Variants in CHD6 observed in about 807,000 individuals in gnomAD.
CHD6 encodes the protein ATP-dependent chromatin remodeler CHD6.
A neutral mutation model predicts 276.9 loss-of-function variants in CHD6; 50 were observed. The observed-to-expected ratio is 0.18, with a 90% CI of 0.14 to 0.23. CHD6 has a LOEUF of 0.23. CHD6 is among the 10% of genes least tolerant of loss of function. CHD6 has a pLI of 1.00. For synonymous variants in CHD6, 1,173 were observed against 1,229.3 expected (o/e 0.95, Z 0.96); for missense variants, 2,564 against 3,365.8 (o/e 0.76, Z 5.89).
At chr20:41,577,093 A>G (rs1357983474) in intron 1 of CHD6, among the ~76,000 whole-genome samples, 1 of 152,244 alleles carries the variant, frequency 6.6e-6, no homozygotes, top group Non-Finnish European at 1.5e-5. Flanking sequence ...GTTAAAATAT[A>G]AGATACATTA....
At chr20:41,466,845 C>T (rs2042932175) in intron 17 of CHD6, among the ~76,000 whole-genome samples, 1 of 152,214 alleles carries the variant, frequency 6.6e-6, no homozygotes, top group South Asian at 2.1e-4. Flanking sequence ...TACTCCCAGC[C>T]TCCCAGGGAT....
chr20:41,541,013 A>T (rs1265435297), intron 2 of CHD6, among the ~76,000 whole-genome samples: 1 of 150,742 alleles, frequency 6.6e-6, no homozygotes, highest in African/African-American at 2.4e-5. Flanking sequence ...GCATTTGACT[A>T]CAGAACATAC....
chr20:41,592,552 CATTT>C (rs1340275444), intron 1 of CHD6, among the ~76,000 whole-genome samples: 3 of 152,186 alleles, frequency 2.0e-5, no homozygotes, highest in Non-Finnish European at 4.4e-5. Flanking sequence ...AGTAGTACTT[CATTT>C]AAAGACAACG....
chr20:41,609,766 A>C (rs2045865946), intron 1 of CHD6, among the ~76,000 whole-genome samples: 1 of 151,966 alleles, frequency 6.6e-6, no homozygotes, highest in Non-Finnish European at 1.5e-5. Flanking sequence ...AAACTGCTGT[A>C]TGATTAGACT....
rs1404346130 is a variant in CHD6 at position 41,431,777 on chromosome 20, T to C, written c.4068+5497A>G. Among the ~76,000 whole-genome samples, 2 of 107,844 alleles carry C rather than the reference T, an allele frequency of 1.9e-5. 1 individual carries two copies. Among genetic ancestry groups the C allele is most frequent in the Non-Finnish European group, 3.8e-5 (2 of 53,292 alleles). The allele number at this position is 107,844 out of a possible 152,430, so 70.7% of individuals were successfully genotyped here. A position where few individuals can be genotyped will look rare whatever the true frequency, so the allele number is the denominator to read the frequency against. ...GGAATGACATGATGAAAAAACATGC[T>C]TTTTTTTTTTTTTTGCTTCATATAT... On this transcript the variant is annotated intron_variant, in intron 27 of 36. Coordinates refer to ENST00000373233, the MANE Select transcript of CHD6 (RefSeq NM_032221.5).
At chr20:41,597,617 C>T (rs1002334061) in intron 1 of CHD6, among the ~76,000 whole-genome samples, 8 of 152,106 alleles carry the variant, frequency 5.3e-5, no homozygotes, top group Non-Finnish European at 1.2e-4. Flanking sequence ...GGTTGACCCA[C>T]CATACCCGGG....
intron 16 of CHD6, among the ~76,000 whole-genome samples, chr20:41,480,410 A>G (rs2043268585): frequency 6.6e-6 from 1 of 152,244 alleles, no homozygotes; most frequent in East Asian, 1.9e-4. Context: ...AATCAAAAAG[A>G]TAATTTTTAG....
chr20:41,533,060 T>G lies in CHD6; in HGVS notation c.544A>C (p.Arg182=). The G allele has an allele frequency of 6.3e-7, 1 of 1,593,432 alleles. No individual in the cohort carries two copies. The highest frequency in any genetic ancestry group is 2.2e-5 in the East Asian group (1 of 44,824). Residue 182 remains arginine, a synonymous_variant, in exon 3 of 37, where the codon AGG becomes CGG. Coordinates refer to ENST00000373233, the MANE Select transcript of CHD6 (RefSeq NM_032221.5). The part of the protein sequence containing the change: ...CTDSAARTKS[R]KASKEQGPTP... ...GAGAAAGGAACGTACCTGGCCTTCC[T>G]GGACTTCGTCCTGGCTGCAGAGTCA...
chr20:41,555,826 C>T lies in CHD6; in HGVS notation c.-23-4466G>A, dbSNP rs1224507445. ...CAGACGATGGGCGGCCAGGCAGAGA[C>T]GCTCCTCACTTCCCAGACGGGGTGG... On this transcript the variant is annotated intron_variant, in intron 1 of 36. Transcript: ENST00000373233. Among the ~76,000 whole-genome samples, 6 of 151,932 alleles carry T rather than the reference C, an allele frequency of 3.9e-5. No individual in the cohort carries two copies. The South Asian group carries it at 8.3e-4, about 21-fold the overall frequency.
At chr20:41,491,094 T>C (rs1172960124) in intron 11 of CHD6, among the ~76,000 whole-genome samples, 2 of 152,096 alleles carry the variant, frequency 1.3e-5, no homozygotes, top group African/African-American at 2.4e-5. Context: ...CACACCACTG[T>C]AGACATTATA....
In CHD6 at chr20:41,420,762, T is replaced by C. The variant is rs368946838; in HGVS notation, c.5873A>G (p.Glu1958Gly). 2 of 1,614,146 alleles carry C rather than the reference T, an allele frequency of 1.2e-6. No homozygotes were observed. The highest frequency in any genetic ancestry group is 2.7e-5 in the African/African-American group (2 of 74,946). The change falls in exon 31 of 37, where the codon GAG (glutamate) becomes GGG (glycine). Residue 1958 changes from glutamate to glycine, a missense_variant. By Grantham distance (98) the Glu-to-Gly change is moderately conservative. This residue lies in a region of CHD6 where 1,024 missense variants were observed against 1,047.9 expected (regional missense o/e 0.98). Transcript: ENST00000373233. ...ATCTGGGATATAAGCCTTGGGTTTC[T>C]CGATTTCAAATTCATCATTCTCGAG... ...HGLENDEFEIEKPKAYIPDLF... is the reference protein window; with the variant it reads ...HGLENDEFEIGKPKAYIPDLF...
intron 1 of CHD6, among the ~76,000 whole-genome samples, chr20:41,614,084 TTAAC>T (rs1307793616): frequency 6.6e-6 from 1 of 152,060 alleles, no homozygotes; most frequent in Admixed American, 6.6e-5. Context: ...TATTAAAAAT[TTAAC>T]TACTTGATAA....
At chr20:41,580,310 C>T (rs1156671805) in intron 1 of CHD6, among the ~76,000 whole-genome samples, 1 of 152,000 alleles carries the variant, frequency 6.6e-6, no homozygotes, top group Admixed American at 6.6e-5. Flanking sequence ...AATATTTTCC[C>T]AACAGCTGTC....
chr20:41,453,532 CCTCA>C (rs1206008907), intron 20 of CHD6, among the ~76,000 whole-genome samples: 1 of 152,162 alleles, frequency 6.6e-6, no homozygotes, highest in Non-Finnish European at 1.5e-5. Flanking sequence ...GCTTCCTGCT[CCTCA>C]CTCCTTCCCC....
chr20:41,560,585 G>A (rs1348958440), intron 1 of CHD6, among the ~76,000 whole-genome samples: 1 of 152,194 alleles, frequency 6.6e-6, no homozygotes, highest in African/African-American at 2.4e-5. Context: ...CCTCCAGGGA[G>A]GGACCCTGTC....
At chr20:41,518,294 G>A (rs1408118303) in intron 3 of CHD6, among the ~76,000 whole-genome samples, 2 of 152,134 alleles carry the variant, frequency 1.3e-5, no homozygotes, top group Non-Finnish European at 2.9e-5. Flanking sequence ...GTGTGTGTGC[G>A]TGCGCGCGTG....
At chr20:41,544,437 C>T (rs1387356947) in intron 2 of CHD6, among the ~76,000 whole-genome samples, 1 of 152,092 alleles carries the variant, frequency 6.6e-6, no homozygotes, top group Non-Finnish European at 1.5e-5. Context: ...TTTTAAGTAG[C>T]CTTTTTTATG....
At chr20:41,423,772 G>A (rs1023283369) in intron 29 of CHD6, 72 bp from the exon 30 acceptor site, 3 of 1,228,888 alleles carry the variant, frequency 2.4e-6, no homozygotes, top group Non-Finnish European at 3.5e-6. Flanking sequence ...CTTATTGAGA[G>A]CCTACTATGA....
chr20:41,414,041 A>AT (rs2046921988), intron 34 of CHD6: 1 of 152,218 alleles, frequency 6.6e-6, no homozygotes, highest in South Asian at 2.1e-4. Context: ...AAGGGGGAAA[A>AT]TTTTTATCGG....
Sources: allele counts gnomAD v4.1 joint callset (sites outside exome capture counted in the v4.1 genomes callset), GRCh38; gene constraint gnomAD v4.1.1; regional missense constraint gnomAD v4.1.1; transcripts MANE v1.5; gene names NCBI Gene and HGNC (gene_info 2026-07-23, HGNC 2026-07-21).